Variants in CA10 observed in about 807,000 individuals in gnomAD.
The protein encoded by CA10 is carbonic anhydrase 10 (inactive).
A neutral mutation model predicts 44.2 loss-of-function variants in CA10; 14 were observed. That is an observed-to-expected ratio of 0.32 (90% CI 0.21 to 0.50). CA10 has a LOEUF of 0.50. Ranked by LOEUF, CA10 falls within the 20% of genes least tolerant of loss-of-function variation. CA10 has a pLI of 0.99. For synonymous variants in CA10, 159 were observed against 141.6 expected, an observed-to-expected ratio of 1.12 and a Z score of -0.87; for missense variants, 350 against 409.7, an observed-to-expected ratio of 0.85 and a Z score of 1.26.
intron 3 of CA10, among the ~76,000 whole-genome samples, chr17:51,826,187 G>A (rs1908002570): frequency 6.6e-6 from 1 of 152,142 alleles, no homozygotes; most frequent in Non-Finnish European, 1.5e-5. Context: ...ATATACACGT[G>A]GAAGAACTGA....
chr17:52,072,713 AC>A (rs1567723916), intron 1 of CA10, among the ~76,000 whole-genome samples: 2 of 150,574 alleles, frequency 1.3e-5, no homozygotes, highest in African/African-American at 4.9e-5. Flanking sequence ...ACACACACAC[AC>A]ACAACACACA....
At chr17:52,117,985 G>T (rs926206365) in intron 1 of CA10, among the ~76,000 whole-genome samples, 1 of 152,120 alleles carries the variant, frequency 6.6e-6, no homozygotes, top group South Asian at 2.1e-4. Context: ...GGTATTATAT[G>T]GTTTTTCTGC....
intron 1 of CA10, among the ~76,000 whole-genome samples, chr17:52,095,061 C>A (rs1409992284): frequency 6.6e-6 from 1 of 152,106 alleles, no homozygotes; most frequent in Non-Finnish European, 1.5e-5. Context: ...AAAGACTGAA[C>A]AACCCATATG....
intron 3 of CA10, among the ~76,000 whole-genome samples, chr17:51,810,030 A>C (rs1040661037): frequency 6.6e-6 from 1 of 152,206 alleles, no homozygotes; most frequent in African/African-American, 2.4e-5. Flanking sequence ...AGGCCAAAAC[A>C]TGGGACAGAA....
chr17:52,159,373 G>A (rs961319596), upstream of CA10: 3 of 152,292 alleles, frequency 2.0e-5, no homozygotes, highest in African/African-American at 4.8e-5. Context: ...GCCTTTCCAA[G>A]TCCGGGTGCC....
At chr17:52,044,043 T>G (rs1230652542) in intron 2 of CA10, among the ~76,000 whole-genome samples, 1 of 152,116 alleles carries the variant, frequency 6.6e-6, no homozygotes, top group East Asian at 2.0e-4. Context: ...TATTTGGCTT[T>G]GATATGAAAA....
Position 51,926,926 on chromosome 17 carries a change from T to C in CA10, c.279+4064A>G, listed in dbSNP as rs1231782178. 3.3e-5 allele frequency among the ~76,000 whole-genome samples: 5 copies of C among 152,194 alleles called. No individual in the cohort carries two copies. The East Asian group carries it at 9.6e-4, about 29-fold the overall frequency. ...ACATTTATCAACTCCAAATATATTT[T>C]CAAATGAAATGGAAAGAGAGGTTAG... On this transcript the variant is annotated intron_variant, in intron 3 of 8. Coordinates refer to ENST00000451037, the MANE Select transcript of CA10 (RefSeq NM_020178.5).
chr17:51,813,126 T>G lies in CA10; in HGVS notation c.280-65308A>C, dbSNP rs569657810. 2.1e-4 allele frequency among the ~76,000 whole-genome samples: 32 copies of G among 152,198 alleles called. 1 individual carries two copies. The Middle Eastern group carries it at 0.02, about 97-fold the overall frequency. On this transcript the variant is annotated intron_variant, in intron 3 of 8. Transcript: ENST00000451037. ...GAAAAGAGGGTCATAGATAACAGAT[T>G]AAAAATTATACCACCAGGAGAGGAA...
intron 1 of CA10, among the ~76,000 whole-genome samples, chr17:52,107,218 C>G (rs1693281152): frequency 6.6e-6 from 1 of 152,076 alleles, no homozygotes; most frequent in African/African-American, 2.4e-5. Flanking sequence ...GCCAGGTGCC[C>G]TGCGATCGAG....
chr17:51,746,719 T>C (rs1904701426), intron 4 of CA10, among the ~76,000 whole-genome samples: 1 of 152,214 alleles, frequency 6.6e-6, no homozygotes, highest in African/African-American at 2.4e-5. Context: ...TGACACATTT[T>C]GGATGCACAT....
At chr17:51,916,141 A>AAC (rs74497565) in intron 3 of CA10, among the ~76,000 whole-genome samples, 104,277 of 142,478 alleles carry the variant, frequency 0.73, 36,098 homozygotes, top group Non-Finnish European at 0.75. Flanking sequence ...CGCTGCTGGA[A>AAC]ACAGTGTCAT....
chr17:51,779,530 C>T (rs1209800795), intron 3 of CA10, among the ~76,000 whole-genome samples: 2 of 152,182 alleles, frequency 1.3e-5, no homozygotes, highest in Non-Finnish European at 2.9e-5. Context: ...TTGAAAAATG[C>T]ATCCCCTCCA....
chr17:51,720,932 G>C (rs759778053), intron 4 of CA10, among the ~76,000 whole-genome samples: 4 of 152,146 alleles, frequency 2.6e-5, no homozygotes, highest in Non-Finnish European at 4.4e-5. Context: ...TGAGGTGATG[G>C]ATATGTCAAT....
intron 3 of CA10, among the ~76,000 whole-genome samples, chr17:51,802,759 G>C (rs1906983859): frequency 6.6e-6 from 1 of 152,058 alleles, no homozygotes; most frequent in South Asian, 2.1e-4. Flanking sequence ...GCTGTGGTGA[G>C]GAAGGGCCTT....
chr17:51,675,482 G>C (rs1415002925), intron 4 of CA10, among the ~76,000 whole-genome samples: 2 of 151,234 alleles, frequency 1.3e-5, no homozygotes, highest in Non-Finnish European at 2.9e-5. Flanking sequence ...CCAGGAGGCA[G>C]AGGTTGCAGT....
intron 3 of CA10, among the ~76,000 whole-genome samples, chr17:51,921,838 T>A (rs1378228749): frequency 6.6e-6 from 1 of 152,196 alleles, no homozygotes; most frequent in African/African-American, 2.4e-5. Flanking sequence ...ATCTGTGACA[T>A]TTTATGTAAA....
chr17:51,776,556 C>G lies in CA10; in HGVS notation c.280-28738G>C, dbSNP rs11870610. Among the ~76,000 whole-genome samples the G allele has an allele frequency of 6.7e-3, 1,022 of 152,156 alleles. 3 individuals are homozygous for G. The highest frequency in any genetic ancestry group is 0.011 in the Non-Finnish European group (762 of 67,994). Reference sequence around the variant, plus strand: ...TACATGCATTTTTAATACAAAGTCTCCAAAATCCAGCACATCTCAACTTGA... The same window carrying G: ...TACATGCATTTTTAATACAAAGTCTGCAAAATCCAGCACATCTCAACTTGA... On this transcript the variant is annotated intron_variant, in intron 3 of 8. Transcript: ENST00000451037.
At position 51,776,167 on chromosome 17, in the gene CA10, C is replaced by G. The variant is rs188153452; in HGVS notation, c.280-28349G>C. 1.5e-3 allele frequency among the ~76,000 whole-genome samples: 230 copies of G among 152,216 alleles called. 1 individual carries two copies. The South Asian group carries it at 0.015, about 10-fold the overall frequency. ...CTGAGGTCAGGAGTTTGATACCAGCCTGACCAACGTGGCAAAAGCCTGTCT... is the reference window on the plus strand; with the variant it reads ...CTGAGGTCAGGAGTTTGATACCAGCGTGACCAACGTGGCAAAAGCCTGTCT... On this transcript the variant is annotated intron_variant, in intron 3 of 8. Transcript: ENST00000451037.
In CA10 at chr17:51,717,858, T is replaced by C. The variant is rs1272328386; in HGVS notation, c.465+29775A>G. The stretch of plus-strand genomic sequence containing the variant: ...ATATATATATATATATATATATATA[T>C]ATATATATATACAGGATAGAATACT... On this transcript the variant is annotated intron_variant, in intron 4 of 8. Coordinates refer to ENST00000451037, the MANE Select transcript of CA10 (RefSeq NM_020178.5). Among the ~76,000 whole-genome samples the C allele has an allele frequency of 3.8e-5, 4 of 106,296 alleles. 1 individual carries two copies. The highest frequency in any genetic ancestry group is 1.6e-4 in the African/African-American group (4 of 25,600). The allele number at this position is 106,296 out of a possible 152,430, so 69.7% of individuals were successfully genotyped here.
Sources: allele counts gnomAD v4.1 joint callset (sites outside exome capture counted in the v4.1 genomes callset), GRCh38; gene constraint gnomAD v4.1.1; transcripts MANE v1.5; gene names NCBI Gene and HGNC (gene_info 2026-07-23, HGNC 2026-07-21).